PTPRT: variants seen among roughly 807,000 people sequenced by gnomAD.
The protein encoded by PTPRT is receptor-type tyrosine-protein phosphatase T.
Under a neutral mutation model 176.8 loss-of-function variants are expected in PTPRT, and 56 were observed. That is an observed-to-expected ratio of 0.32 (90% CI 0.26 to 0.40). The LOEUF (loss-of-function observed/expected upper bound fraction) is 0.40. PTPRT is among the 10% of genes least tolerant of loss of function. The pLI is 1.00. For missense variants in PTPRT, 1,540 were observed against 1,908.2 expected (o/e 0.81, Z 3.60); for synonymous variants, 783 against 739.0 (o/e 1.06, Z -0.96).
rs1186233484 is a variant in PTPRT at position 42,073,906 on chromosome 20, C to T, written c.*6973G>A. The T allele has an allele frequency of 8.7e-6, 2 of 229,756 alleles. No individual in the cohort carries two copies. Among genetic ancestry groups the T allele is most frequent in the African/African-American group, 4.4e-5 (2 of 45,138 alleles). 14.2% of individuals were successfully genotyped at this position (229,756 alleles called of 1,614,324 possible). Reference sequence around the variant, plus strand: ...TGCTTCTCTTCCCTTTAAAGAGACACCTGCCTTCTTTTAGACAGCTGCTGA... The same window carrying T: ...TGCTTCTCTTCCCTTTAAAGAGACATCTGCCTTCTTTTAGACAGCTGCTGA... On this transcript the variant is annotated 3_prime_UTR_variant, in exon 31 of 31. Transcript: ENST00000373187.
At chr20:42,312,887 A>G (rs1254078656) in intron 12 of PTPRT, among the ~76,000 whole-genome samples, 2 of 148,268 alleles carry the variant, frequency 1.3e-5, no homozygotes, top group Non-Finnish European at 3.0e-5. Context: ...TGGGGAGCAA[A>G]CTGTCGGAGG....
rs1320149630 is a variant in PTPRT, at chr20:42,776,795, T to C, written c.568+3423A>G. On this transcript the variant is annotated intron_variant, in intron 4 of 30. Coordinates refer to ENST00000373187, the MANE Select transcript of PTPRT (RefSeq NM_007050.6). ...TATATAAATGTAAATTATATGATTA[T>C]ATAATTATTTATATACTATAACTCA... 2.0e-5 allele frequency among the ~76,000 whole-genome samples: 3 copies of C among 148,498 alleles called. No homozygotes were observed. In the East Asian group the frequency reaches 5.8e-4, roughly 29 times the overall value.
At chr20:42,718,620 CA>C (rs1243932106) in intron 6 of PTPRT, among the ~76,000 whole-genome samples, 2 of 151,950 alleles carry the variant, frequency 1.3e-5, no homozygotes, top group African/African-American at 4.8e-5. Context: ...AGAAACTAGC[CA>C]AAAAATATAT....
intron 17 of PTPRT, among the ~76,000 whole-genome samples, chr20:42,156,193 C>T (rs1015872253): frequency 2.6e-5 from 4 of 152,150 alleles, no homozygotes; most frequent in Non-Finnish European, 5.9e-5. Flanking sequence ...TGGCTATTTA[C>T]CTTTAGGCTG....
intron 9 of PTPRT, among the ~76,000 whole-genome samples, chr20:42,407,033 G>A (rs552846546): frequency 1.6e-4 from 24 of 152,268 alleles, no homozygotes; most frequent in African/African-American, 5.3e-4. Context: ...CAGCTCAGGG[G>A]TGAAGCTTGT....
chr20:42,682,095 T>C (rs1288400016), intron 6 of PTPRT, among the ~76,000 whole-genome samples: 2 of 152,122 alleles, frequency 1.3e-5, no homozygotes, highest in African/African-American at 4.8e-5. Flanking sequence ...TATATTGATT[T>C]GGGTAATTAA....
chr20:43,043,246 G>C (rs2146216658), intron 1 of PTPRT, among the ~76,000 whole-genome samples: 1 of 152,278 alleles, frequency 6.6e-6, no homozygotes, highest in Non-Finnish European at 1.5e-5. Flanking sequence ...CCCTCCCTCA[G>C]CCCTCAGGGA....
intron 7 of PTPRT, among the ~76,000 whole-genome samples, chr20:42,536,209 A>AT (rs762197111): frequency 1.3e-5 from 2 of 152,044 alleles, no homozygotes; most frequent in African/African-American, 2.4e-5. Flanking sequence ...GGAAGACTTT[A>AT]TTTTTTCAAT....
intron 7 of PTPRT, among the ~76,000 whole-genome samples, chr20:42,506,849 T>A (rs2071854308): frequency 6.6e-6 from 1 of 152,126 alleles, no homozygotes; most frequent in African/African-American, 2.4e-5. Context: ...TGAGTCTATG[T>A]TTTCTCAACC....
intron 9 of PTPRT, among the ~76,000 whole-genome samples, chr20:42,364,396 C>A (rs1002610524): frequency 2.0e-5 from 3 of 152,160 alleles, no homozygotes; most frequent in African/African-American, 7.2e-5. Flanking sequence ...GGAGACTACA[C>A]CATCAATTCA....
chr20:42,391,073 G>C (rs1053315641), intron 9 of PTPRT, among the ~76,000 whole-genome samples: 1 of 152,214 alleles, frequency 6.6e-6, no homozygotes, highest in Admixed American at 6.5e-5. Flanking sequence ...GTAATATGTA[G>C]TGGGGTGAGT....
chr20:42,632,206 C>T (rs1001853606), intron 7 of PTPRT, among the ~76,000 whole-genome samples: 11 of 152,046 alleles, frequency 7.2e-5, no homozygotes, highest in African/African-American at 2.7e-4. Flanking sequence ...ATCACACATG[C>T]TTTCTCCTAT....
chr20:42,544,356 G>A (rs1173684052), intron 7 of PTPRT, among the ~76,000 whole-genome samples: 2 of 152,180 alleles, frequency 1.3e-5, no homozygotes, highest in Non-Finnish European at 2.9e-5. Flanking sequence ...TAAACCTGAT[G>A]AGCCAAGCTC....
chr20:42,138,499 C>A (rs1026183984), intron 18 of PTPRT, among the ~76,000 whole-genome samples: 6 of 152,194 alleles, frequency 3.9e-5, no homozygotes, highest in Admixed American at 3.9e-4. Context: ...CTAGATTACA[C>A]CTTTATAAAG....
At chr20:42,481,707 C>T (rs1686745509) in intron 7 of PTPRT, among the ~76,000 whole-genome samples, 1 of 151,682 alleles carries the variant, frequency 6.6e-6, no homozygotes, top group South Asian at 2.1e-4. Flanking sequence ...AAGTGATCCT[C>T]CTGCCTCAGC....
At chr20:42,447,073 T>C (rs2070746942) in intron 9 of PTPRT, among the ~76,000 whole-genome samples, 3 of 152,174 alleles carry the variant, frequency 2.0e-5, no homozygotes, top group African/African-American at 7.2e-5. Context: ...TAATCTTGAG[T>C]ACTTTTCCTT....
rs1451231166 is a variant in PTPRT at position 42,184,518 on chromosome 20, CCTTCTT to C, written c.2491+14716_2491+14721del. On this transcript the variant is annotated intron_variant, in intron 16 of 30. Transcript: ENST00000373187. Reference sequence around the variant, plus strand: ...CTCCCCCCTTCCTCCTCCTCCTCCTCCTTCTTCTTCTTCTTCCTCTTCCTCTTCTTC... The same window carrying C: ...CTCCCCCCTTCCTCCTCCTCCTCCTCCTTCTTCTTCCTCTTCCTCTTCTTC... Among the ~76,000 whole-genome samples, 7 of 54,484 alleles carry C rather than the reference CCTTCTT, an allele frequency of 1.3e-4. No individual in the cohort carries two copies. In the East Asian group the frequency reaches 2.0e-3, roughly 15 times the overall value. 35.7% of individuals were successfully genotyped at this position (54,484 alleles called of 152,430 possible). A position where few individuals can be genotyped will look rare whatever the true frequency, so the allele number is the denominator to read the frequency against.
At chr20:42,883,779 AAACG>A (rs2079053285) in intron 2 of PTPRT, among the ~76,000 whole-genome samples, 1 of 11,098 alleles carries the variant, frequency 9.0e-5, no homozygotes, top group Non-Finnish European at 1.7e-4. Context: ...CACCCTCCAT[AAACG>A]CACACCCATA....
chr20:42,397,335 G>A (rs2058861046), intron 9 of PTPRT, among the ~76,000 whole-genome samples: 1 of 152,182 alleles, frequency 6.6e-6, no homozygotes, highest in South Asian at 2.1e-4. Flanking sequence ...AGGGGTACAT[G>A]TGCCAGTTTG....
Sources: allele counts gnomAD v4.1 joint callset (sites outside exome capture counted in the v4.1 genomes callset), GRCh38; gene constraint gnomAD v4.1.1; transcripts MANE v1.5; gene names NCBI Gene and HGNC (gene_info 2026-07-23, HGNC 2026-07-21).